Variants in ZBTB6 observed in about 807,000 individuals in gnomAD.
ZBTB6 encodes zinc finger and BTB domain-containing protein 6.
Under a neutral mutation model 30.6 loss-of-function variants are expected in ZBTB6, and 11 were observed. That is an observed-to-expected ratio of 0.36 (90% CI 0.23 to 0.60). ZBTB6 has a LOEUF of 0.60. Among genes scored for constraint, ZBTB6 ranks in the 20% least tolerant of loss-of-function variants. ZBTB6 has a pLI of 0.75. For synonymous variants in ZBTB6, 174 were observed against 172.0 expected, an observed-to-expected ratio of 1.01 and a Z score of -0.09; for missense variants, 380 against 489.4, an observed-to-expected ratio of 0.78 and a Z score of 2.11.
At position 122,910,848 on chromosome 9, in the gene ZBTB6, T is replaced by G. The variant is rs767400282; in HGVS notation, c.1225A>C (p.Ser409Arg). ...TCAGGCCTAGATAGTTTTTCACCAC[T>G]GCTTCTGCCATGGACAGAGGTTAAG... is the stretch of plus-strand genomic sequence containing the variant. ...KHLTSVHGRSSGEKLSRPDLK... is the reference protein window; with the variant it reads ...KHLTSVHGRSRGEKLSRPDLK... The change falls in exon 2 of 2, where the codon AGT (serine) becomes CGT (arginine). Residue 409 changes from serine to arginine, a missense_variant. By Grantham distance (110) the Ser-to-Arg change is moderately radical. Coordinates refer to ENST00000373659, the MANE Select transcript of ZBTB6 (RefSeq NM_006626.6). The G allele has an allele frequency of 6.2e-7, 1 of 1,614,176 alleles. No individual in the cohort carries two copies.
rs1209879895 is a variant in ZBTB6, at chr9:122,911,251, G to A, written c.822C>T (p.Gly274=). The part of the protein sequence containing the change: ...VAEVPGNQDQ[G]LFCENTEGSY... ...TTCCTTCAGTATTCTCACAAAATAA[G>A]CCCTGATCTTGATTCCCAGGAACTT... Residue 274 remains glycine (G), a synonymous_variant, in exon 2 of 2, where the codon GGC becomes GGT. Coordinates refer to ENST00000373659, the MANE Select transcript of ZBTB6 (RefSeq NM_006626.6). The surrounding 1 kb of genome is among the most constrained non-coding windows in gnomAD (Gnocchi z 4.5). The A allele has an allele frequency of 1.2e-6, 2 of 1,614,104 alleles. No homozygotes were observed. Among genetic ancestry groups the A allele is most frequent in the South Asian group, 2.2e-5 (2 of 91,084 alleles).
chr9:122,910,776 T>C lies in ZBTB6; in HGVS notation c.*22A>G. On this transcript the variant is annotated 3_prime_UTR_variant, in exon 2 of 2. Coordinates refer to ENST00000373659, the MANE Select transcript of ZBTB6 (RefSeq NM_006626.6). ...GCGTAATAGAATAATACAAACTTTA[T>C]ATAACAAGTCTGTGATTATAATTAT... 6.3e-7 allele frequency: 1 copy of C among 1,575,434 alleles called. No individual in the cohort carries two copies. Among genetic ancestry groups the C allele is most frequent in the Non-Finnish European group, 8.7e-7 (1 of 1,155,600 alleles).
Position 122,911,186 on chromosome 9 carries a change from C to A in ZBTB6, c.887G>T (p.Gly296Val), listed in dbSNP as rs770141481. Residue 296 changes from glycine (G) to valine (V), a missense_variant, in exon 2 of 2, where the codon GGT (glycine) becomes GTT (valine). Physicochemically the swap from Gly to Val is moderately radical, Grantham distance 109. Transcript: ENST00000373659. This position sits in a 1 kb window ranked among gnomAD's most constrained non-coding sequence, Gnocchi z 4.5. The part of the protein sequence containing the change: ...TVSEIQNLEE[G>V]YSLRHQCPRC... ...GGGGCACTGGTGCCTCAGTGAATAA[C>A]CTTCCTCCAGATTCTGAATCTCACT... 6.8e-6 allele frequency: 11 copies of A among 1,614,080 alleles called. No homozygotes were observed. The Admixed American group carries it at 1.8e-4, about 27-fold the overall frequency.
rs1217300489 is a variant in ZBTB6, at chr9:122,910,867, G to A, written c.1206C>T (p.Thr402=). 1 of 1,614,210 alleles carries A rather than the reference G, an allele frequency of 6.2e-7. No homozygotes were observed. ...CACCACTGCTTCTGCCATGGACAGA[G>A]GTTAAGTGCTTTTTGAGAGCAGACT... ...KHKSALKKHL[T]SVHGRSSGEK... Residue 402 remains threonine (T), a synonymous_variant, in exon 2 of 2, where the codon ACC becomes ACT. Coordinates refer to ENST00000373659, the MANE Select transcript of ZBTB6 (RefSeq NM_006626.6).
In ZBTB6 at chr9:122,910,093, T is replaced by A. The variant is rs748207597; in HGVS notation, c.*705A>T. 3.3e-5 allele frequency: 5 copies of A among 152,220 alleles called. No homozygotes were observed. The highest frequency in any genetic ancestry group is 5.9e-5 in the Non-Finnish European group (4 of 68,030). 9.4% of individuals were successfully genotyped at this position (152,220 alleles called of 1,614,324 possible). ...CAGCTTCATGCCAATGGTATAATTT[T>A]ACTGGCCACAAAATTATTAAATCCG... On this transcript the variant is annotated 3_prime_UTR_variant, in exon 2 of 2. Coordinates refer to ENST00000373659, the MANE Select transcript of ZBTB6 (RefSeq NM_006626.6).
At position 122,910,980 on chromosome 9, in the gene ZBTB6, C is replaced by T. The variant is rs748633222; in HGVS notation, c.1093G>A (p.Ala365Thr). 6.2e-7 allele frequency: 1 copy of T among 1,614,170 alleles called. No individual in the cohort carries two copies. Among genetic ancestry groups the T allele is most frequent in the Non-Finnish European group, 8.5e-7 (1 of 1,180,034 alleles). ...AAGTGGTCCTGAAGTGTGCTTTTGG[C>T]AGTAAATGTCTTCAAGCACACAGTA... The part of the protein sequence containing the change: ...QCTVCLKTFT[A>T]KSTLQDHLNI... Residue 365 changes from alanine to threonine, a missense_variant, in exon 2 of 2, where the codon GCC (alanine) becomes ACC (threonine). Ala to Thr is a moderately conservative substitution (Grantham distance 58). Coordinates refer to ENST00000373659, the MANE Select transcript of ZBTB6 (RefSeq NM_006626.6).
Position 122,913,282 on chromosome 9 carries a change from G to A in ZBTB6, c.-41C>T, listed in dbSNP as rs951593347. The A allele has an allele frequency of 7.1e-6, 7 of 985,776 alleles. No individual in the cohort carries two copies. The highest frequency in any genetic ancestry group is 1.2e-4 in the Admixed American group (2 of 16,268). 61.1% of individuals were successfully genotyped at this position (985,776 alleles called of 1,614,324 possible). On this transcript the variant is annotated 5_prime_UTR_variant, in exon 1 of 2. Coordinates refer to ENST00000373659, the MANE Select transcript of ZBTB6 (RefSeq NM_006626.6). ...AGAAAACTAGAGTCAAGGATTCCGCGGCAGCGTCTGCCCAAGCCGGAAGAT... is the reference window on the plus strand; with the variant it reads ...AGAAAACTAGAGTCAAGGATTCCGCAGCAGCGTCTGCCCAAGCCGGAAGAT...
rs1376736536 is a variant in ZBTB6 at position 122,909,105 on chromosome 9, TTAAAATTCAG to T, written c.*1683_*1692del. On this transcript the variant is annotated 3_prime_UTR_variant, in exon 2 of 2. Coordinates refer to ENST00000373659, the MANE Select transcript of ZBTB6 (RefSeq NM_006626.6). Reference sequence around the variant, plus strand: ...GCATTCTTGAAAGTCTCAAGGAAAGTTAAAATTCAGTGGAGAATGTCTTTCCCACAAAATT... The same window carrying T: ...GCATTCTTGAAAGTCTCAAGGAAAGTTGGAGAATGTCTTTCCCACAAAATT... 4 of 152,222 alleles carry T rather than the reference TTAAAATTCAG, an allele frequency of 2.6e-5. No homozygotes were observed. Among genetic ancestry groups the T allele is most frequent in the African/African-American group, 9.6e-5 (4 of 41,470 alleles). 9.4% of individuals were successfully genotyped at this position (152,222 alleles called of 1,614,324 possible). A position where few individuals can be genotyped will look rare whatever the true frequency, so the allele number is the denominator to read the frequency against.
At position 122,909,363 on chromosome 9, in the gene ZBTB6, T is replaced by C. The variant is rs1832932255; in HGVS notation, c.*1435A>G. ...TCTTCTTTACGAAAAGCAGTTCCTG[T>C]GTTTTAGAGAATATTATTTGCCCTG... is the stretch of plus-strand genomic sequence containing the variant. On this transcript the variant is annotated 3_prime_UTR_variant, in exon 2 of 2. Transcript: ENST00000373659. 2.0e-5 allele frequency: 3 copies of C among 152,238 alleles called. 1 individual carries two copies. In the South Asian group the frequency reaches 6.2e-4, roughly 31 times the overall value. 9.4% of individuals were successfully genotyped at this position (152,238 alleles called of 1,614,324 possible).
rs182367741 is a variant in ZBTB6 at position 122,913,200 on chromosome 9, C to T, written c.-10+51G>A. The T allele has an allele frequency of 3.2e-4, 308 of 964,236 alleles. 1 individual carries two copies. The Middle Eastern group carries it at 9.2e-3, about 29-fold the overall frequency. 59.7% of individuals were successfully genotyped at this position (964,236 alleles called of 1,614,324 possible). A position where few individuals can be genotyped will look rare whatever the true frequency, so the allele number is the denominator to read the frequency against. ...GCCCAGCTGTCCTCCTCCTCCTCCT[C>T]CTCTTCCTCAGGCACCCTCCACCTG... On this transcript the variant is annotated intron_variant, in intron 1 of 1. Coordinates refer to ENST00000373659, the MANE Select transcript of ZBTB6 (RefSeq NM_006626.6).
At chr9:122,912,855 T>G (rs946598972) in intron 1 of ZBTB6, among the ~76,000 whole-genome samples, 7 of 152,216 alleles carry the variant, frequency 4.6e-5, no homozygotes, top group Non-Finnish European at 1.0e-4. Flanking sequence ...ATTTCTTACA[T>G]TCGCGTTTCC....
intron 1 of ZBTB6, among the ~76,000 whole-genome samples, chr9:122,912,737 C>T (rs1329419042): frequency 6.6e-6 from 1 of 152,244 alleles, no homozygotes; most frequent in Non-Finnish European, 1.5e-5. Context: ...CGATTTGGCT[C>T]TAACCCATCT....
Position 122,911,717 on chromosome 9 carries a change from C to T in ZBTB6, c.356G>A (p.Cys119Tyr), listed in dbSNP as rs1832956297. 6.2e-7 allele frequency: 1 copy of T among 1,614,008 alleles called. No homozygotes were observed. The highest frequency in any genetic ancestry group is 8.5e-7 in the Non-Finnish European group (1 of 1,180,048). The change falls in exon 2 of 2, where the codon TGC (cysteine) becomes TAC (tyrosine). Residue 119 changes from cysteine to tyrosine, a missense_variant. Transcript: ENST00000373659. The surrounding 1 kb of genome is among the most constrained non-coding windows in gnomAD (Gnocchi z 4.5). Reference sequence around the variant, plus strand: ...CAGATACTTTGACAAAGCTTCTGTGCACTTTTCCACAATGTGAACCATCTG... The same window carrying T: ...CAGATACTTTGACAAAGCTTCTGTGTACTTTTCCACAATGTGAACCATCTG... The part of the protein sequence containing the change: ...YLQMVHIVEK[C>Y]TEALSKYLEI...
Position 122,911,656 on chromosome 9 carries a change from G to C in ZBTB6, c.417C>G (p.His139Gln), listed in dbSNP as rs1310158508. The C allele has an allele frequency of 6.2e-7, 1 of 1,613,496 alleles. No individual in the cohort carries two copies. Among genetic ancestry groups the C allele is most frequent in the African/African-American group, 1.3e-5 (1 of 75,072 alleles). ...IDLSMKNNNQ[H>Q]TDLCQSSDPD... ...GATCAGAAGACTGACACAGGTCAGTGTGTTGGTTGTTGTTTTTCATAGAAA... is the reference window on the plus strand; with the variant it reads ...GATCAGAAGACTGACACAGGTCAGTCTGTTGGTTGTTGTTTTTCATAGAAA... Residue 139 changes from histidine to glutamine, a missense_variant, in exon 2 of 2, where the codon CAC (histidine) becomes CAG (glutamine). Transcript: ENST00000373659. The surrounding 1 kb of genome is among the most constrained non-coding windows in gnomAD (Gnocchi z 4.5).
At chr9:122,912,191 G>T in intron 1 of ZBTB6, 110 bp from the exon 2 acceptor site, 1 of 1,113,266 alleles carries the variant, frequency 9.0e-7, no homozygotes, top group Non-Finnish European at 1.3e-6. Flanking sequence ...GGAAGAAGAA[G>T]ACTCAAAGTC....
At position 122,911,884 on chromosome 9, in the gene ZBTB6, T is replaced by A. The variant is rs879171413; in HGVS notation, c.189A>T (p.Leu63Phe). 2.5e-6 allele frequency: 4 copies of A among 1,614,172 alleles called. No individual in the cohort carries two copies. Among genetic ancestry groups the A allele is most frequent in the Non-Finnish European group, 3.4e-6 (4 of 1,180,026 alleles). ...TTCTGACATGTTTTGACTGTGTGAG[T>A]AAAAACTGATCTCTCATAAAAGTGG... ...ACSTFMRDQF[L>F]LTQSKHVRIT... The change falls in exon 2 of 2, where the codon TTA becomes TTT. Residue 63 changes from leucine to phenylalanine, a missense_variant. Transcript: ENST00000373659. This position sits in a 1 kb window ranked among gnomAD's most constrained non-coding sequence, Gnocchi z 4.5.
chr9:122,913,183 G>GTCC (rs371579801), intron 1 of ZBTB6, 68 bp downstream of exon 1: 194 of 902,622 alleles, frequency 2.1e-4, no homozygotes, highest in African/African-American at 8.5e-4. Flanking sequence ...GAGCCCAGCT[G>GTCC]TCCTCCTCCT....
At position 122,910,343 on chromosome 9, in the gene ZBTB6, A is replaced by C. The variant is rs1365056361; in HGVS notation, c.*455T>G. ...AACAGCTGGTAAAAAGTTAAAAAAA[A>C]ATTTTTTTAGTGCCATCTGTTCTAA... On this transcript the variant is annotated 3_prime_UTR_variant, in exon 2 of 2. Transcript: ENST00000373659. 1 of 152,578 alleles carries C rather than the reference A, an allele frequency of 6.6e-6. No homozygotes were observed. Among genetic ancestry groups the C allele is most frequent in the Admixed American group, 6.5e-5 (1 of 15,288 alleles). The allele number at this position is 152,578 out of a possible 1,614,324, so 9.5% of individuals were successfully genotyped here.
chr9:122,908,753 G>T lies in ZBTB6; in HGVS notation c.*2045C>A, dbSNP rs987303363. The T allele has an allele frequency of 6.6e-6, 1 of 152,070 alleles. No individual in the cohort carries two copies. The highest frequency in any genetic ancestry group is 1.5e-5 in the Non-Finnish European group (1 of 68,002). The allele number at this position is 152,070 out of a possible 1,614,324, so 9.4% of individuals were successfully genotyped here. A position where few individuals can be genotyped will look rare whatever the true frequency, so the allele number is the denominator to read the frequency against. On this transcript the variant is annotated 3_prime_UTR_variant, in exon 2 of 2. Coordinates refer to ENST00000373659, the MANE Select transcript of ZBTB6 (RefSeq NM_006626.6). ...CAATCTTAGGTCAAATGGAAGCAAT[G>T]AACTATGAATGAAAAATTAGCAATG...
Sources: gnomAD v4.1 joint callset for allele counts (sites outside exome capture counted in the v4.1 genomes callset) on GRCh38, gnomAD v4.1.1 for gene constraint, Gnocchi (gnomAD v3.1) non-coding constraint, MANE v1.5 for transcripts, NCBI Gene and HGNC (gene_info 2026-07-23, HGNC 2026-07-21) for gene names.